SLIT3: variants seen among roughly 807,000 people sequenced by gnomAD.
The protein encoded by SLIT3 is slit homolog 3 protein.
In SLIT3, 68 loss-of-function variants were observed where a neutral mutation model predicts 184.0. That is an observed-to-expected ratio of 0.37 (90% CI 0.30 to 0.45). The LOEUF (loss-of-function observed/expected upper bound fraction) is 0.45, where lower values mean the gene tolerates loss of function less well. SLIT3 is among the 20% of genes least tolerant of loss of function. The pLI is 1.00. For missense variants in SLIT3, 1,707 were observed against 2,026.0 expected (o/e 0.84, Z 3.02); for synonymous variants, 831 against 828.6 (o/e 1.00, Z -0.05).
At chr5:168,870,940 G>A (rs1243746130) in intron 5 of SLIT3, among the ~76,000 whole-genome samples, 1 of 152,178 alleles carries the variant, frequency 6.6e-6, no homozygotes, top group Non-Finnish European at 1.5e-5. Flanking sequence ...GCCTGAGGGT[G>A]GTTCTAGTAC....
At chr5:169,092,060 A>G (rs998794289) in intron 4 of SLIT3, among the ~76,000 whole-genome samples, 5 of 152,148 alleles carry the variant, frequency 3.3e-5, no homozygotes, top group South Asian at 2.1e-4. Flanking sequence ...CATCTCTACT[A>G]AAAAATACAC....
At chr5:168,882,336 C>G (rs1759984954) in intron 5 of SLIT3, among the ~76,000 whole-genome samples, 1 of 152,166 alleles carries the variant, frequency 6.6e-6, no homozygotes, top group Non-Finnish European at 1.5e-5. Context: ...AAATTCAAGG[C>G]ATAGTCCTTG....
intron 3 of SLIT3, among the ~76,000 whole-genome samples, chr5:169,223,202 A>T (rs963562372): frequency 2.6e-5 from 4 of 152,178 alleles, no homozygotes; most frequent in African/African-American, 9.7e-5. Flanking sequence ...GGGATGAGAA[A>T]TACCTCTGTA....
At chr5:168,813,861 A>G (rs2113648719) in intron 8 of SLIT3, among the ~76,000 whole-genome samples, 1 of 152,284 alleles carries the variant, frequency 6.6e-6, no homozygotes, top group East Asian at 1.9e-4. Context: ...GTTTGGTGAA[A>G]TTTTTGATAC....
At chr5:169,153,145 C>T (rs1379077460) in intron 4 of SLIT3, among the ~76,000 whole-genome samples, 1 of 152,218 alleles carries the variant, frequency 6.6e-6, no homozygotes, top group African/African-American at 2.4e-5. Flanking sequence ...GAATGCACAG[C>T]AGGATACTGA....
intron 5 of SLIT3, among the ~76,000 whole-genome samples, chr5:168,851,995 G>T (rs949988111): frequency 6.6e-5 from 10 of 152,198 alleles, no homozygotes; most frequent in Non-Finnish European, 1.2e-4. Flanking sequence ...ATTGGGCCTT[G>T]CATTCTCTGC....
intron 4 of SLIT3, among the ~76,000 whole-genome samples, chr5:168,901,024 A>C (rs1027640325): frequency 9.9e-5 from 15 of 152,174 alleles, no homozygotes; most frequent in Non-Finnish European, 1.6e-4. Flanking sequence ...GGGGTGACGG[A>C]TATCCTAAAA....
chr5:168,682,542 A>G (rs1370205580), intron 32 of SLIT3, among the ~76,000 whole-genome samples: 9 of 152,040 alleles, frequency 5.9e-5, no homozygotes, highest in Admixed American at 5.9e-4. Flanking sequence ...TGCCTTGGGG[A>G]CCACGCTTTG....
intron 32 of SLIT3, 112 bp downstream of exon 32, chr5:168,683,854 G>A: frequency 1.0e-6 from 1 of 1,004,662 alleles, no homozygotes; most frequent in Non-Finnish European, 1.4e-6. Flanking sequence ...CGTGGTAGGG[G>A]CGGGGAGAAG....
rs753090601 is a variant in SLIT3 at position 168,700,631 on chromosome 5, G to C, written c.2893C>G (p.Gln965Glu). The change falls in exon 27 of 36, where the codon CAG (glutamine) becomes GAG (glutamate). Residue 965 changes from glutamine to glutamate, a missense_variant. Coordinates refer to ENST00000519560, the MANE Select transcript of SLIT3 (RefSeq NM_003062.4). ...PINTCIQNPC[Q>E]HGGTCHLSDS... ...CTCAGGTGGCAGGTGCCTCCATGCT[G>C]ACAGGGGTTCTGGATGCAGGTGTTG... 31 of 1,614,070 alleles carry C rather than the reference G, an allele frequency of 1.9e-5. No homozygotes were observed. The highest frequency in any genetic ancestry group is 2.5e-5 in the Non-Finnish European group (30 of 1,180,044).
At chr5:168,881,227 G>A (rs1454596985) in intron 5 of SLIT3, among the ~76,000 whole-genome samples, 1 of 152,198 alleles carries the variant, frequency 6.6e-6, no homozygotes, top group Non-Finnish European at 1.5e-5. Flanking sequence ...GGGTGCTGGA[G>A]TGACTTAGGA....
At chr5:169,187,102 C>A (rs897033444) in intron 4 of SLIT3, among the ~76,000 whole-genome samples, 5 of 126,436 alleles carry the variant, frequency 4.0e-5, no homozygotes, top group Non-Finnish European at 6.9e-5. Context: ...ACTGCTTATG[C>A]AGCTATAGGT....
intron 4 of SLIT3, among the ~76,000 whole-genome samples, chr5:169,160,763 C>T (rs1468839482): frequency 1.3e-5 from 2 of 152,134 alleles, no homozygotes; most frequent in African/African-American, 2.4e-5. Context: ...TTTCATTGCT[C>T]AGCTCCAAGC....
chr5:169,175,259 C>G (rs180907210), intron 4 of SLIT3, among the ~76,000 whole-genome samples: 1 of 152,300 alleles, frequency 6.6e-6, no homozygotes, highest in Admixed American at 6.5e-5. Context: ...GTTGCTATAT[C>G]CATTTACACA....
rs541710595 is a variant in SLIT3 at position 168,703,495 on chromosome 5, C to A, written c.2845-2816G>T. Reference sequence around the variant, plus strand: ...CACACCCTACTGTGAACTGTGCATGCGAGGGATCTAGGTTGCACGCTCCTT... The same window carrying A: ...CACACCCTACTGTGAACTGTGCATGAGAGGGATCTAGGTTGCACGCTCCTT... On this transcript the variant is annotated intron_variant, in intron 26 of 35. Transcript: ENST00000519560. 3.9e-5 allele frequency among the ~76,000 whole-genome samples: 6 copies of A among 152,066 alleles called. No individual in the cohort carries two copies. In the East Asian group the frequency reaches 1.2e-3, roughly 30 times the overall value.
Position 168,666,120 on chromosome 5 carries a change from T to TTTTATTAGTCTA in SLIT3, c.*322_*333dup, listed in dbSNP as rs1561863117. The TTTTATTAGTCTA allele has an allele frequency of 5.5e-6, 1 of 181,958 alleles. No individual in the cohort carries two copies. Among genetic ancestry groups the TTTTATTAGTCTA allele is most frequent in the Admixed American group, 6.1e-5 (1 of 16,310 alleles). The allele number at this position is 181,958 out of a possible 1,614,324, so 11.3% of individuals were successfully genotyped here. Reference sequence around the variant, plus strand: ...TTCTTATCCTTTTGTTTTAAAGCATTTTTATTAGTCTATTTTTTTCTTAAA... The same window carrying TTTTATTAGTCTA: ...TTCTTATCCTTTTGTTTTAAAGCATTTTTATTAGTCTATTTATTAGTCTATTTTTTTCTTAAA... On this transcript the variant is annotated 3_prime_UTR_variant, in exon 36 of 36. Transcript: ENST00000519560.
chr5:169,173,987 A>C (rs572432852), intron 4 of SLIT3, among the ~76,000 whole-genome samples: 1 of 152,316 alleles, frequency 6.6e-6, no homozygotes, highest in South Asian at 2.1e-4. Context: ...CAGGCCCAAC[A>C]GAAGTCCTTC....
chr5:168,901,157 T>A (rs957260618), intron 4 of SLIT3, among the ~76,000 whole-genome samples: 4 of 152,024 alleles, frequency 2.6e-5, no homozygotes, highest in African/African-American at 9.7e-5. Flanking sequence ...GGTCAGGAGA[T>A]AGTCCATCCT....
At chr5:169,199,026 A>G (rs1763832204) in intron 3 of SLIT3, among the ~76,000 whole-genome samples, 1 of 151,774 alleles carries the variant, frequency 6.6e-6, no homozygotes, top group Non-Finnish European at 1.5e-5. Context: ...ACACACACAC[A>G]CACATACATA....
Sources: allele counts gnomAD v4.1 joint callset (sites outside exome capture counted in the v4.1 genomes callset), GRCh38; gene constraint gnomAD v4.1.1; transcripts MANE v1.5; gene names NCBI Gene and HGNC (gene_info 2026-07-23, HGNC 2026-07-21).